The following ADCY2 variants were observed in gnomAD, a reference collection of about 807,000 sequenced individuals.
The protein encoded by ADCY2 is adenylate cyclase 2.
In ADCY2, 31 loss-of-function variants were observed where a neutral mutation model predicts 125.2. The ratio of observed to expected loss-of-function variants is 0.25; its 90% CI spans 0.19 to 0.33. The LOEUF is 0.33. Among genes scored for constraint, ADCY2 ranks in the 10% least tolerant of loss-of-function variants. The pLI is 1.00. For synonymous variants in ADCY2, 512 were observed against 548.4 expected (o/e 0.93, Z 0.93); for missense variants, 904 against 1,418.2 (o/e 0.64, Z 5.82).
intron 2 of ADCY2, among the ~76,000 whole-genome samples, chr5:7,416,585 T>C (rs769963579): frequency 2.6e-5 from 4 of 152,178 alleles, no homozygotes; most frequent in Admixed American, 6.5e-5. Flanking sequence ...CCATACTATC[T>C]ATACAAATAA....
chr5:7,820,749 TA>T, intron 24 of ADCY2, 60 bp downstream of exon 24: 1 of 1,543,512 alleles, frequency 6.5e-7, no homozygotes, highest in Non-Finnish European at 8.7e-7. Flanking sequence ...TTGGGAACCA[TA>T]AATAAGTATA....
At position 7,482,923 on chromosome 5, in the gene ADCY2, C is replaced by T. The variant is rs115338531; in HGVS notation, c.409-37815C>T. Among the ~76,000 whole-genome samples, 970 of 151,714 alleles carry T rather than the reference C, an allele frequency of 6.4e-3. 4 individuals are homozygous for T. Among genetic ancestry groups the T allele is most frequent in the Non-Finnish European group, 9.9e-3 (672 of 67,920 alleles). On this transcript the variant is annotated intron_variant, in intron 2 of 24. Transcript: ENST00000338316. ...ATGACATAAGCCGGGCACAGAAAGA[C>T]GAATACCACATGTTCTCACTCTTAT...
At chr5:7,797,811 G>C (rs1336509320) in intron 20 of ADCY2, 1 of 116,416 alleles carries the variant, frequency 8.6e-6, no homozygotes, top group South Asian at 3.8e-4. Context: ...AGAGGGGAAG[G>C]TGGGGATCCC....
chr5:7,581,288 G>C (rs748335689), intron 3 of ADCY2, among the ~76,000 whole-genome samples: 1 of 151,940 alleles, frequency 6.6e-6, no homozygotes, highest in Non-Finnish European at 1.5e-5. Context: ...AGTATATAGT[G>C]TATGTGTACA....
At chr5:7,813,450 C>T (rs562201211) in intron 22 of ADCY2, among the ~76,000 whole-genome samples, 1 of 152,244 alleles carries the variant, frequency 6.6e-6, no homozygotes, top group East Asian at 1.9e-4. Flanking sequence ...GTGAAACTTC[C>T]AAAACAACCA....
intron 1 of ADCY2, among the ~76,000 whole-genome samples, chr5:7,404,108 T>G (rs2111445407): frequency 6.6e-6 from 1 of 152,338 alleles, no homozygotes; most frequent in Non-Finnish European, 1.5e-5. Flanking sequence ...AATAAGTTGT[T>G]TTTCTAGGAA....
intron 15 of ADCY2, 54 bp from the exon 16 acceptor site, chr5:7,757,395 G>C (rs1743028048): frequency 2.5e-6 from 4 of 1,590,230 alleles, no homozygotes; most frequent in Non-Finnish European, 3.4e-6. Flanking sequence ...TCAAGAAACT[G>C]GAGAGAAGTC....
intron 2 of ADCY2, among the ~76,000 whole-genome samples, chr5:7,420,425 G>A (rs927305141): frequency 2.6e-5 from 4 of 152,308 alleles, no homozygotes; most frequent in Middle Eastern, 3.4e-3. Flanking sequence ...GACCCTGGGT[G>A]TGGGTCAACA....
At chr5:7,442,513 G>T (rs1191669249) in intron 2 of ADCY2, among the ~76,000 whole-genome samples, 1 of 152,172 alleles carries the variant, frequency 6.6e-6, no homozygotes, top group Non-Finnish European at 1.5e-5. Flanking sequence ...GATCAGGAGA[G>T]ATAGCGTGTC....
At chr5:7,797,616 G>A (rs1194513859) in intron 20 of ADCY2, 1 of 152,252 alleles carries the variant, frequency 6.6e-6, no homozygotes, top group Non-Finnish European at 1.5e-5. Context: ...GTGTAACAGG[G>A]CGTCAGAGGG....
intron 11 of ADCY2, among the ~76,000 whole-genome samples, chr5:7,713,683 C>CTT (rs1741511509): frequency 6.6e-6 from 1 of 152,066 alleles, no homozygotes; most frequent in Admixed American, 6.6e-5. Flanking sequence ...GCACCAACTC[C>CTT]TTTTTTCCCC....
intron 16 of ADCY2, among the ~76,000 whole-genome samples, chr5:7,763,432 G>A (rs1022754539): frequency 3.3e-5 from 5 of 152,138 alleles, no homozygotes; most frequent in African/African-American, 1.2e-4. Context: ...TATAAATAAG[G>A]TATATTATTG....
At chr5:7,627,252 C>A (rs537134403) in intron 4 of ADCY2, among the ~76,000 whole-genome samples, 1 of 152,174 alleles carries the variant, frequency 6.6e-6, no homozygotes, top group South Asian at 2.1e-4. Context: ...GTGGGTGACA[C>A]AAATGCACAT....
chr5:7,444,829 A>C (rs1450213270), intron 2 of ADCY2, among the ~76,000 whole-genome samples: 1 of 152,178 alleles, frequency 6.6e-6, no homozygotes. Context: ...ATCCCAAGGC[A>C]GATTTGATTT....
intron 2 of ADCY2, among the ~76,000 whole-genome samples, chr5:7,437,764 G>A (rs373241053): frequency 3.3e-5 from 5 of 152,204 alleles, no homozygotes; most frequent in African/African-American, 1.2e-4. Context: ...CTGCATTTGA[G>A]TTACTTTTTA....
At chr5:7,789,461 G>A (rs1744187269) in intron 19 of ADCY2, among the ~76,000 whole-genome samples, 181 bp from the exon 20 acceptor site, 1 of 152,164 alleles carries the variant, frequency 6.6e-6, no homozygotes, top group African/African-American at 2.4e-5. Context: ...GCAAATCCAT[G>A]TCAGAGGTTG....
intron 3 of ADCY2, among the ~76,000 whole-genome samples, chr5:7,559,285 T>C (rs1448345741): frequency 6.6e-6 from 1 of 152,242 alleles, no homozygotes; most frequent in Non-Finnish European, 1.5e-5. Context: ...ATTTTAATGA[T>C]ATTGATTCTT....
chr5:7,745,246 A>T (rs1287153047), intron 15 of ADCY2, among the ~76,000 whole-genome samples: 1 of 152,202 alleles, frequency 6.6e-6, no homozygotes, highest in Non-Finnish European at 1.5e-5. Context: ...GGCTTTGGCC[A>T]AGGGTGGTTA....
chr5:7,782,870 G>T (rs1293402090), intron 18 of ADCY2, among the ~76,000 whole-genome samples: 1 of 152,140 alleles, frequency 6.6e-6, no homozygotes, highest in African/African-American at 2.4e-5. Context: ...GCAGTCATAG[G>T]CTCAGAGAGG....
Sources: gnomAD v4.1 joint callset for allele counts (sites outside exome capture counted in the v4.1 genomes callset) on GRCh38, gnomAD v4.1.1 for gene constraint, MANE v1.5 for transcripts, NCBI Gene and HGNC (gene_info 2026-07-23, HGNC 2026-07-21) for gene names.